THSD7B: variants seen among roughly 807,000 people sequenced by gnomAD.
THSD7B encodes thrombospondin type 1 domain containing 7B, also known as thrombospondin type-1 domain-containing protein 7B.
THSD7B carries 138 observed loss-of-function variants against 213.6 expected under a neutral mutation model. The ratio of observed to expected loss-of-function variants is 0.65; its 90% CI spans 0.56 to 0.74. The LOEUF (loss-of-function observed/expected upper bound fraction) is 0.74. Ranked by LOEUF, THSD7B falls within the 30% of genes least tolerant of loss-of-function variation. The pLI, the probability that THSD7B is intolerant of heterozygous loss-of-function variation, is 0.00. For synonymous variants in THSD7B, 742 were observed against 687.0 expected (o/e 1.08, Z -1.25); for missense variants, 1,931 against 1,991.5 (o/e 0.97, Z 0.58).
At chr2:137,137,457 T>C (rs946036436) in intron 5 of THSD7B, among the ~76,000 whole-genome samples, 10 of 152,228 alleles carry the variant, frequency 6.6e-5, no homozygotes, top group Non-Finnish European at 7.3e-5. Context: ...TTCTTTAAGA[T>C]TACATTTTTT....
intron 2 of THSD7B, among the ~76,000 whole-genome samples, chr2:136,988,414 A>T (rs981085560): frequency 2.0e-5 from 3 of 152,228 alleles, no homozygotes; most frequent in Non-Finnish European, 2.9e-5. Context: ...TTTCCTTCCA[A>T]ATCTGCCAGA....
intron 2 of THSD7B, among the ~76,000 whole-genome samples, chr2:137,019,788 T>C (rs572196444): frequency 3.3e-5 from 5 of 152,304 alleles, no homozygotes; most frequent in South Asian, 2.1e-4. Context: ...TTAGATTCTC[T>C]ATAAATGTGA....
intron 21 of THSD7B, among the ~76,000 whole-genome samples, chr2:137,651,849 T>C (rs1210622426): frequency 2.0e-5 from 3 of 152,038 alleles, no homozygotes; most frequent in Admixed American, 6.6e-5. Flanking sequence ...TTTCCATGTA[T>C]TTGTGTAGTT....
intron 14 of THSD7B, among the ~76,000 whole-genome samples, chr2:137,431,217 G>T (rs1253456238): frequency 6.6e-6 from 1 of 152,152 alleles, no homozygotes; most frequent in Non-Finnish European, 1.5e-5. Flanking sequence ...ACAACTCAAA[G>T]CAGGGGGAGG....
At chr2:136,773,888 A>AT (rs908434165) in intron 1 of THSD7B, among the ~76,000 whole-genome samples, 3 of 151,526 alleles carry the variant, frequency 2.0e-5, no homozygotes, top group African/African-American at 7.3e-5. Flanking sequence ...TGGATAATCT[A>AT]TTTAAAAAAA....
intron 12 of THSD7B, among the ~76,000 whole-genome samples, chr2:137,386,650 T>C (rs1026566597): frequency 1.3e-5 from 2 of 152,226 alleles, no homozygotes; most frequent in Admixed American, 6.5e-5. Flanking sequence ...CAGCCTTTTA[T>C]AGTTTTTCCA....
chr2:137,310,580 GTGCCTATGTCCTGAATGGTAA>G (rs1346832308), intron 12 of THSD7B, among the ~76,000 whole-genome samples: 32 of 145,484 alleles, frequency 2.2e-4, no homozygotes, highest in Non-Finnish European at 3.7e-4. Flanking sequence ...GTCCTTGCCC[GTGCCTATGTCCTGAATGGTAA>G]TGCCTAGGTT....
intron 12 of THSD7B, among the ~76,000 whole-genome samples, chr2:137,276,265 C>A (rs575590844): frequency 7.0e-6 from 1 of 143,604 alleles, no homozygotes; most frequent in South Asian, 2.1e-4. Flanking sequence ...AATATCTGTT[C>A]TCGGTCATAG....
intron 13 of THSD7B, among the ~76,000 whole-genome samples, chr2:137,409,788 C>T (rs1011478432): frequency 3.9e-5 from 6 of 152,054 alleles, no homozygotes; most frequent in Admixed American, 2.0e-4. Flanking sequence ...AGATATGTTA[C>T]GATGGAACTT....
Position 137,405,610 on chromosome 2 carries a change from C to T in THSD7B, c.2501-3C>T. ...TAACAAAAGAATTCATGCTTTTTTT[C>T]AGCTGTCTCATGCATCTCTGATGAC... On this transcript the variant is annotated splice_region_variant and splice_polypyrimidine_tract_variant and intron_variant, in intron 12 of 27. Coordinates refer to ENST00000409968, the MANE Select transcript of THSD7B (RefSeq NM_001316349.2). The T allele has an allele frequency of 6.3e-7, 1 of 1,580,084 alleles. No homozygotes were observed. Among genetic ancestry groups the T allele is most frequent in the African/African-American group, 1.4e-5 (1 of 73,070 alleles).
chr2:137,663,610 T>C, intron 26 of THSD7B, 35 bp downstream of exon 26: 2 of 1,553,956 alleles, frequency 1.3e-6, no homozygotes, highest in Non-Finnish European at 8.7e-7. Flanking sequence ...ATGAAAATTT[T>C]CTCATGGGAG....
rs1397582645 is a variant in THSD7B at position 137,415,559 on chromosome 2, C to T, written c.2959+3687C>T. ...CATGGTGTCGTCTCCATCTGTGTGA[C>T]AACAGGTCCAATGAAGGGACTACCT... On this transcript the variant is annotated intron_variant, in intron 14 of 27. Transcript: ENST00000409968. 8.6e-5 allele frequency among the ~76,000 whole-genome samples: 13 copies of T among 151,630 alleles called. No homozygotes were observed. In the East Asian group the frequency reaches 2.1e-3, roughly 25 times the overall value.
chr2:137,073,708 T>A (rs1687552560), intron 3 of THSD7B, among the ~76,000 whole-genome samples: 1 of 152,204 alleles, frequency 6.6e-6, no homozygotes. Context: ...TCCTGCTTTC[T>A]CTTGTGGGCA....
intron 27 of THSD7B, among the ~76,000 whole-genome samples, chr2:137,673,961 G>GC (rs1683639311): frequency 6.6e-6 from 1 of 152,150 alleles, no homozygotes; most frequent in South Asian, 2.1e-4. Flanking sequence ...AAGGTCCAAG[G>GC]CCTACCTATT....
At chr2:136,913,166 A>G (rs1396616649) in intron 2 of THSD7B, among the ~76,000 whole-genome samples, 1 of 152,212 alleles carries the variant, frequency 6.6e-6, no homozygotes, top group African/African-American at 2.4e-5. Context: ...CTCTTGTTTC[A>G]TTTTAGCAAA....
intron 15 of THSD7B, among the ~76,000 whole-genome samples, chr2:137,501,753 T>C (rs2105137328): frequency 6.6e-6 from 1 of 152,362 alleles, no homozygotes; most frequent in East Asian, 1.9e-4. Flanking sequence ...TATGATTTAC[T>C]AATCTAACTC....
chr2:137,533,449 T>C (rs78457542), intron 15 of THSD7B, among the ~76,000 whole-genome samples: 25,336 of 151,864 alleles, frequency 0.17, 2,255 homozygotes, highest in South Asian at 0.28. Context: ...AACTCAATAC[T>C]CTACTTATTA....
chr2:136,783,222 T>C (rs1002082406), intron 1 of THSD7B, among the ~76,000 whole-genome samples: 1 of 152,170 alleles, frequency 6.6e-6, no homozygotes, highest in African/African-American at 2.4e-5. Context: ...AGGACCCTTA[T>C]ACCTGCCGTA....
chr2:136,919,412 C>G (rs1684398596), intron 2 of THSD7B, among the ~76,000 whole-genome samples: 2 of 152,232 alleles, frequency 1.3e-5, no homozygotes, highest in African/African-American at 4.8e-5. Context: ...GGGAGACCAG[C>G]TTGCTTCATT....
Sources: allele counts gnomAD v4.1 joint callset (sites outside exome capture counted in the v4.1 genomes callset), GRCh38; gene constraint gnomAD v4.1.1; transcripts MANE v1.5; gene names NCBI Gene and HGNC (gene_info 2026-07-23, HGNC 2026-07-21).